Variants in MON2 observed in about 807,000 individuals in gnomAD.
MON2 encodes the protein MON2 regulator of endosome-to-Golgi trafficking.
Under a neutral mutation model 208.6 loss-of-function variants are expected in MON2, and 84 were observed. The observed-to-expected ratio is 0.40, with a 90% CI of 0.34 to 0.48. MON2 has a LOEUF of 0.48. Ranked by LOEUF, MON2 falls within the 20% of genes least tolerant of loss-of-function variation. The probability of loss-of-function intolerance (pLI) is 0.59; values close to 1 mark genes in which losing one functional copy is unlikely to be tolerated. For synonymous variants in MON2, 660 were observed against 694.0 expected (o/e 0.95, Z 0.77); for missense variants, 1,611 against 2,015.4 (o/e 0.80, Z 3.84).
chr12:62,565,454 GA>G (rs2074345114), intron 27 of MON2, 74 bp downstream of exon 27: 1 of 1,270,218 alleles, frequency 7.9e-7, no homozygotes, highest in African/African-American at 1.5e-5. Flanking sequence ...ACTTAAGATG[GA>G]CTTTGATTAT....
chr12:62,554,198 TG>T (rs938421634), intron 24 of MON2, among the ~76,000 whole-genome samples: 2 of 152,236 alleles, frequency 1.3e-5, no homozygotes, highest in African/African-American at 4.8e-5. Context: ...TAATTCTTAA[TG>T]ATTTTTTTCT....
At chr12:62,545,078 TC>T (rs1226766108) in intron 21 of MON2, 70 bp downstream of exon 21, 17 of 974,456 alleles carry the variant, frequency 1.7e-5, no homozygotes, top group Non-Finnish European at 2.6e-5. Context: ...GTGATTTTTT[TC>T]TTATCAGGTA....
chr12:62,580,364 A>G lies in MON2; in HGVS notation c.4643A>G (p.Gln1548Arg). Residue 1548 changes from glutamine to arginine, a missense_variant, in exon 32 of 35, where the codon CAA (glutamine) becomes CGA (arginine). Physicochemically the swap from Gln to Arg is conservative, Grantham distance 43. Transcript: ENST00000393630. ...ANFIPKEFVG[Q>R]IMTMLNKGSI... is the part of the protein sequence containing the mutation. ...TTTATTCCTAAGGAATTTGTTGGTC[A>G]AATAATGACAATGCTTAACAAGGGC... 1 of 1,608,562 alleles carries G rather than the reference A, an allele frequency of 6.2e-7. No homozygotes were observed. The highest frequency in any genetic ancestry group is 8.5e-7 in the Non-Finnish European group (1 of 1,175,442).
Position 62,495,117 on chromosome 12 carries a change from T to G in MON2, c.405T>G (p.Asn135Lys). The G allele has an allele frequency of 6.2e-7, 1 of 1,610,870 alleles. No homozygotes were observed. Among genetic ancestry groups the G allele is most frequent in the Non-Finnish European group, 8.5e-7 (1 of 1,178,092 alleles). Residue 135 changes from asparagine (N) to lysine (K), a missense_variant, in exon 4 of 35, where the codon AAT becomes AAG. Physicochemically the swap from Asn to Lys is moderately conservative, Grantham distance 94. Transcript: ENST00000393630. ...LQTVLVLLTTNTVVHDEALSK... is the reference protein window; with the variant it reads ...LQTVLVLLTTKTVVHDEALSK... ...CAGTTCTTGTTCTTTTAACAACCAATACAGTAGTTCATGATGAGGCACTTT... is the reference window on the plus strand; with the variant it reads ...CAGTTCTTGTTCTTTTAACAACCAAGACAGTAGTTCATGATGAGGCACTTT...
intron 4 of MON2, among the ~76,000 whole-genome samples, chr12:62,495,348 A>G (rs917254955): frequency 6.6e-6 from 1 of 152,192 alleles, no homozygotes; most frequent in East Asian, 1.9e-4. Flanking sequence ...TGCTTAAGCA[A>G]AGCCCCTTGG....
intron 1 of MON2, among the ~76,000 whole-genome samples, chr12:62,479,431 T>TTCC (rs2069271782): frequency 1.7e-5 from 2 of 117,138 alleles, no homozygotes; most frequent in East Asian, 3.3e-4. Flanking sequence ...TGTGTGTATA[T>TTCC]CCCCCCCCCC....
intron 33 of MON2, among the ~76,000 whole-genome samples, chr12:62,586,100 CA>C (rs1174654961): frequency 2.0e-5 from 3 of 152,124 alleles, no homozygotes; most frequent in Non-Finnish European, 4.4e-5. Flanking sequence ...CAGAATTCAA[CA>C]AAGGATACAG....
At chr12:62,484,095 C>A in intron 1 of MON2, 75 bp from the exon 2 acceptor site, 2 of 1,061,944 alleles carry the variant, frequency 1.9e-6, no homozygotes, top group South Asian at 1.4e-5. Flanking sequence ...TTTTGTCTAT[C>A]ACATATGACT....
At position 62,471,025 on chromosome 12, in the gene MON2, C is replaced by T. The variant is rs1411121656; in HGVS notation, c.111+3707C>T. The stretch of plus-strand genomic sequence containing the variant: ...ATTGAGTTAGACAGTAGTGAAAGAG[C>T]GTATAGATTGAAAAGGTAAAAATTA... On this transcript the variant is annotated intron_variant, in intron 1 of 34. Transcript: ENST00000393630. Among the ~76,000 whole-genome samples the T allele has an allele frequency of 4.6e-5, 7 of 151,974 alleles. No homozygotes were observed. In the South Asian group the frequency reaches 1.0e-3, roughly 23 times the overall value.
At chr12:62,493,803 A>G in intron 2 of MON2, 112 bp from the exon 3 acceptor site, 1 of 762,464 alleles carries the variant, frequency 1.3e-6, no homozygotes, top group Non-Finnish European at 1.9e-6. Context: ...TGTTTATTTT[A>G]CGTAAAGTGG....
At chr12:62,565,796 C>G (rs941730592) in intron 27 of MON2, among the ~76,000 whole-genome samples, 4 of 152,168 alleles carry the variant, frequency 2.6e-5, no homozygotes, top group Admixed American at 2.6e-4. Flanking sequence ...AGAAGTTGTA[C>G]ACTACTGGTG....
chr12:62,534,563 ATATATTT>A (rs2072870926), intron 12 of MON2, among the ~76,000 whole-genome samples: 2 of 121,460 alleles, frequency 1.6e-5, no homozygotes, highest in African/African-American at 3.1e-5. Flanking sequence ...ATATATATAT[ATATATTT>A]TATATATATA....
intron 29 of MON2, among the ~76,000 whole-genome samples, chr12:62,568,498 C>A (rs1269477598): frequency 1.3e-5 from 2 of 151,858 alleles, no homozygotes; most frequent in Non-Finnish European, 2.9e-5. Context: ...ACCACCACCC[C>A]CAGCTGATTT....
At chr12:62,468,615 T>G (rs1202772946) in intron 1 of MON2, among the ~76,000 whole-genome samples, 1 of 152,242 alleles carries the variant, frequency 6.6e-6, no homozygotes, top group Non-Finnish European at 1.5e-5. Context: ...AAACCAGATG[T>G]GCCACTTTTG....
At position 62,595,086 on chromosome 12, in the gene MON2, G is replaced by T. The variant is rs900180868; in HGVS notation, c.*2337G>T. ...TATGGCACAATTGAGTCTATAACCAGCCCTTTAAGCAGTAGTAAAAATGTC... is the reference window on the plus strand; with the variant it reads ...TATGGCACAATTGAGTCTATAACCATCCCTTTAAGCAGTAGTAAAAATGTC... On this transcript the variant is annotated 3_prime_UTR_variant, in exon 35 of 35. Coordinates refer to ENST00000393630, the MANE Select transcript of MON2 (RefSeq NM_015026.3). 7.9e-5 allele frequency: 12 copies of T among 151,680 alleles called. No individual in the cohort carries two copies. Among genetic ancestry groups the T allele is most frequent in the Non-Finnish European group, 1.6e-4 (11 of 67,950 alleles). The allele number at this position is 151,680 out of a possible 1,614,324, so 9.4% of individuals were successfully genotyped here. A position where few individuals can be genotyped will look rare whatever the true frequency, so the allele number is the denominator to read the frequency against.
At chr12:62,576,631 A>G (rs866261169) in intron 30 of MON2, among the ~76,000 whole-genome samples, 1 of 152,004 alleles carries the variant, frequency 6.6e-6, no homozygotes. Context: ...GGAATTTAAG[A>G]TCTTACATGG....
chr12:62,556,635 GA>G lies in MON2; in HGVS notation c.3409+444del, dbSNP rs2073978929. On this transcript the variant is annotated intron_variant, in intron 25 of 34. Transcript: ENST00000393630. The stretch of plus-strand genomic sequence containing the variant: ...TTATAGTCAATGAGAGAATGTAAAA[GA>G]GACAGGAGAAGATTGAGGAAAAGAG... Among the ~76,000 whole-genome samples the G allele has an allele frequency of 2.6e-5, 4 of 152,252 alleles. No individual in the cohort carries two copies. In the South Asian group the frequency reaches 8.3e-4, roughly 32 times the overall value.
rs1351690443 is a variant in MON2 at position 62,492,480 on chromosome 12, T to A, written c.176-1435T>A. Among the ~76,000 whole-genome samples, 9 of 148,542 alleles carry A rather than the reference T, an allele frequency of 6.1e-5. No individual in the cohort carries two copies. In the East Asian group the frequency reaches 1.8e-3, roughly 31 times the overall value. ...TCCGCTTCCCGGGTTCACGCCATTCTCCTGCCTCAGCCTCCCGAGTAGCTG... is the reference window on the plus strand; with the variant it reads ...TCCGCTTCCCGGGTTCACGCCATTCACCTGCCTCAGCCTCCCGAGTAGCTG... On this transcript the variant is annotated intron_variant, in intron 2 of 34. Transcript: ENST00000393630.
intron 26 of MON2, among the ~76,000 whole-genome samples, chr12:62,564,079 C>A (rs961906428): frequency 6.6e-6 from 1 of 152,154 alleles, no homozygotes; most frequent in Non-Finnish European, 1.5e-5. Flanking sequence ...TGTCTTTTTA[C>A]TACTTTCTTA....
Sources: allele counts gnomAD v4.1 joint callset (sites outside exome capture counted in the v4.1 genomes callset), GRCh38; gene constraint gnomAD v4.1.1; transcripts MANE v1.5; gene names NCBI Gene and HGNC (gene_info 2026-07-23, HGNC 2026-07-21).